SLX9: variants seen among roughly 807,000 people sequenced by gnomAD.
The protein encoded by SLX9 is SLX9 ribosome biogenesis factor.
In SLX9, 19 loss-of-function variants were observed where a neutral mutation model predicts 20.8. The observed-to-expected ratio is 0.91, with a 90% CI of 0.64 to 1.34. The LOEUF (loss-of-function observed/expected upper bound fraction) is 1.34, where lower values mean the gene tolerates loss of function less well. Ranked by LOEUF, SLX9 falls within the 40% of genes most tolerant of loss-of-function variation. The pLI is 0.00. For synonymous variants in SLX9, 113 were observed against 137.1 expected, an observed-to-expected ratio of 0.82 and a Z score of 1.23; for missense variants, 299 against 322.2, an observed-to-expected ratio of 0.93 and a Z score of 0.55.
Position 44,957,968 on chromosome 21 carries a change from G to A in SLX9, c.284-2132G>A, listed in dbSNP as rs966486966. On this transcript the variant is annotated intron_variant, in intron 2 of 5. Transcript: ENST00000291634. ...AGGAAGAAGCCTGTCTGCCTAGAGC[G>A]GGAAGCCGAGGTCGCAGCCGCCTCT... Among the ~76,000 whole-genome samples the A allele has an allele frequency of 4.6e-5, 7 of 152,356 alleles. No individual in the cohort carries two copies. In the East Asian group the frequency reaches 1.2e-3, roughly 25 times the overall value.
chr21:44,940,082 G>T lies in SLX9; in HGVS notation c.25G>T (p.Ala9Ser). The T allele has an allele frequency of 6.9e-7, 1 of 1,458,246 alleles. No individual in the cohort carries two copies. Among genetic ancestry groups the T allele is most frequent in the Non-Finnish European group, 9.1e-7 (1 of 1,103,674 alleles). The allele number at this position is 1,458,246 out of a possible 1,614,324, so 90.3% of individuals were successfully genotyped here. Residue 9 changes from alanine to serine, a missense_variant, in exon 1 of 6, where the codon GCC becomes TCC. By Grantham distance (99) the Ala-to-Ser change is moderately conservative. Coordinates refer to ENST00000291634, the MANE Select transcript of SLX9 (RefSeq NM_058190.4). MGKVRGLR[A>S]RVHQAAVRPK... The stretch of plus-strand genomic sequence containing the variant: ...GATGGGGAAAGTGAGGGGGTTGCGC[G>T]CCCGAGTGCACCAGGCTGCCGTGAG...
chr21:44,945,503 C>T (rs1490843652), intron 2 of SLX9, among the ~76,000 whole-genome samples: 2 of 152,198 alleles, frequency 1.3e-5, no homozygotes, highest in Non-Finnish European at 2.9e-5. Flanking sequence ...CATCTGGTCC[C>T]CAAGGTCACC....
intron 2 of SLX9, among the ~76,000 whole-genome samples, chr21:44,953,387 C>T (rs956656578): frequency 6.6e-6 from 1 of 152,140 alleles, no homozygotes; most frequent in Non-Finnish European, 1.5e-5. Context: ...AGTGGCTGTA[C>T]CTCCCAGAGC....
intron 4 of SLX9, among the ~76,000 whole-genome samples, chr21:44,967,680 C>T (rs1000427190): frequency 6.6e-6 from 1 of 152,238 alleles, no homozygotes; most frequent in Non-Finnish European, 1.5e-5. Flanking sequence ...CTGCCCCTCA[C>T]TCTGTCGCAC....
At chr21:44,950,998 C>T (rs931708702) in intron 2 of SLX9, among the ~76,000 whole-genome samples, 5 of 152,114 alleles carry the variant, frequency 3.3e-5, no homozygotes, top group Admixed American at 6.5e-5. Flanking sequence ...GAGCACGTGG[C>T]GGCGACTGGG....
At chr21:44,955,639 C>T (rs1321323545) in intron 2 of SLX9, among the ~76,000 whole-genome samples, 2 of 152,192 alleles carry the variant, frequency 1.3e-5, no homozygotes, top group East Asian at 3.8e-4. Flanking sequence ...CCCACTTTGG[C>T]CTCCTGAGCA....
At position 44,967,039 on chromosome 21, in the gene SLX9, G is replaced by C. The variant is rs764807371; in HGVS notation, c.358G>C (p.Glu120Gln). Residue 120 changes from glutamate (E) to glutamine (Q), a missense_variant, in exon 4 of 6, where the codon GAA (glutamate) becomes CAA (glutamine). Transcript: ENST00000291634. Reference protein sequence around the residue: ...LRREQWLQKIEAIKLAEQKHR... With the variant: ...LRREQWLQKIQAIKLAEQKHR... The stretch of plus-strand genomic sequence containing the variant: ...CGTCGTTTCTCCTTCCTTAGAAATC[G>C]AAGCCATAAAACTGGCTGAGCAGAA... The C allele has an allele frequency of 6.2e-7, 1 of 1,609,908 alleles. No individual in the cohort carries two copies. Among genetic ancestry groups the C allele is most frequent in the Non-Finnish European group, 8.5e-7 (1 of 1,178,940 alleles).
At chr21:44,953,908 C>A (rs561255404) in intron 2 of SLX9, among the ~76,000 whole-genome samples, 1 of 152,234 alleles carries the variant, frequency 6.6e-6, no homozygotes, top group Non-Finnish European at 1.5e-5. Flanking sequence ...GCTGTTGATC[C>A]TTTGGCATTT....
intron 3 of SLX9, among the ~76,000 whole-genome samples, chr21:44,960,629 G>C (rs554358766): frequency 3.3e-5 from 5 of 152,254 alleles, no homozygotes; most frequent in African/African-American, 4.8e-5. Flanking sequence ...CCTTGCCCGC[G>C]GTGAAAACAG....
At chr21:44,973,929 G>A (rs2085211802) in intron 5 of SLX9, among the ~76,000 whole-genome samples, 1 of 152,172 alleles carries the variant, frequency 6.6e-6, no homozygotes, top group Non-Finnish European at 1.5e-5. Flanking sequence ...ATGGGTGGAC[G>A]CAGCCCCATC....
rs577814934 is a variant in SLX9, at chr21:44,976,717, A to G, written c.607A>G (p.Ser203Gly). 240 of 1,575,018 alleles carry G rather than the reference A, an allele frequency of 1.5e-4. 4 individuals carry two copies. In the South Asian group the frequency reaches 2.2e-3, roughly 14 times the overall value. The change falls in exon 6 of 6, where the codon AGT (serine) becomes GGT (glycine). Residue 203 changes from serine (S) to glycine (G), a missense_variant. Physicochemically the swap from Ser to Gly is moderately conservative, Grantham distance 56 (BLOSUM62 0). Coordinates refer to ENST00000291634, the MANE Select transcript of SLX9 (RefSeq NM_058190.4). ...ERTRFQELLA[S>G]PAYRASPLVA... ...GACCCGGTTTCAGGAGCTGCTGGCC[A>G]GTCCGGCCTACAGAGCCAGCCCCCT...
intron 4 of SLX9, among the ~76,000 whole-genome samples, chr21:44,972,516 A>G (rs898305475): frequency 6.6e-6 from 1 of 152,214 alleles, no homozygotes; most frequent in African/African-American, 2.4e-5. Flanking sequence ...AAACCTCCTC[A>G]GTTCCTCCAC....
At position 44,940,138 on chromosome 21, in the gene SLX9, GCCCCCTGCCCCGGAGGCGAC is replaced by G; in HGVS notation, c.85_104del (p.Pro29SerfsTer46). 1 of 1,334,868 alleles carries G rather than the reference GCCCCCTGCCCCGGAGGCGAC, an allele frequency of 7.5e-7. No individual in the cohort carries two copies. The highest frequency in any genetic ancestry group is 9.6e-7 in the Non-Finnish European group (1 of 1,037,382). 82.7% of individuals were successfully genotyped at this position (1,334,868 alleles called of 1,614,324 possible). The stretch of plus-strand genomic sequence containing the variant: ...AAGGGGAGGCCGCCCCCGGCCCCGC[GCCCCCTGCCCCGGAGGCGAC>G]CCCTCCGCCGGCCTCGGCCGCGGGG... On this transcript the variant is annotated frameshift_variant, in exon 1 of 6. Transcript: ENST00000291634. LOFTEE classifies it high-confidence loss of function.
chr21:44,974,741 G>T (rs2123470370), intron 5 of SLX9, among the ~76,000 whole-genome samples: 1 of 152,252 alleles, frequency 6.6e-6, no homozygotes, highest in South Asian at 2.1e-4. Context: ...TTTGGTTTCT[G>T]CTTCTCTGTT....
At chr21:44,951,102 C>T (rs2146626718) in intron 2 of SLX9, among the ~76,000 whole-genome samples, 1 of 152,284 alleles carries the variant, frequency 6.6e-6, no homozygotes, top group East Asian at 1.9e-4. Flanking sequence ...TTTAAACACA[C>T]AGCAGCAGCA....
At chr21:44,949,250 C>T (rs1312467910) in intron 2 of SLX9, among the ~76,000 whole-genome samples, 7 of 152,170 alleles carry the variant, frequency 4.6e-5, no homozygotes, top group African/African-American at 1.4e-4. Context: ...GGCTCCCCCT[C>T]GCACGGTTTG....
chr21:44,970,482 C>A lies in SLX9; in HGVS notation c.501-2715C>A, dbSNP rs566707800. On this transcript the variant is annotated intron_variant, in intron 4 of 5. Coordinates refer to ENST00000291634, the MANE Select transcript of SLX9 (RefSeq NM_058190.4). The stretch of plus-strand genomic sequence containing the variant: ...TCTTGGACATCTCCTGCCAGTCCTG[C>A]TGTTTCTCTAGGGAGCCCTGGCCCC... Among the ~76,000 whole-genome samples, 26 of 152,176 alleles carry A rather than the reference C, an allele frequency of 1.7e-4. 1 individual carries two copies. Among genetic ancestry groups the A allele is most frequent in the Non-Finnish European group, 2.9e-4 (20 of 68,026 alleles).
At chr21:44,947,317 C>T (rs576418998) in intron 2 of SLX9, among the ~76,000 whole-genome samples, 5 of 152,324 alleles carry the variant, frequency 3.3e-5, no homozygotes, top group East Asian at 3.9e-4. Flanking sequence ...AGTGCAACAC[C>T]GCCTTCCCAA....
At chr21:44,974,657 C>T (rs1196751779) in intron 5 of SLX9, among the ~76,000 whole-genome samples, 1 of 152,190 alleles carries the variant, frequency 6.6e-6, no homozygotes, top group Non-Finnish European at 1.5e-5. Context: ...CCTCCGCCTC[C>T]TGGGCTGCAG....
Sources: gnomAD v4.1 joint callset for allele counts (sites outside exome capture counted in the v4.1 genomes callset) on GRCh38, gnomAD v4.1.1 for gene constraint, MANE v1.5 for transcripts, NCBI Gene and HGNC (gene_info 2026-07-23, HGNC 2026-07-21) for gene names.